Variants in DAB1 observed in about 807,000 individuals in gnomAD.
The protein encoded by DAB1 is DAB adaptor protein 1, also known as disabled homolog 1.
Under a neutral mutation model 64.6 loss-of-function variants are expected in DAB1, and 15 were observed. That is an observed-to-expected ratio of 0.23 (90% CI 0.16 to 0.36). The LOEUF (loss-of-function observed/expected upper bound fraction) is 0.36. DAB1 is among the 10% of genes least tolerant of loss of function. DAB1 has a pLI of 1.00. For synonymous variants in DAB1, 235 were observed against 251.9 expected (o/e 0.93, Z 0.64); for missense variants, 596 against 706.7 (o/e 0.84, Z 1.78).
intron 5 of DAB1, among the ~76,000 whole-genome samples, chr1:58,085,088 C>A (rs757194894): frequency 2.0e-5 from 3 of 152,082 alleles, no homozygotes; most frequent in African/African-American, 7.2e-5. Context: ...GTTATTTTAT[C>A]AGGAGGAAAA....
chr1:58,527,376 T>C (rs200972886), intron 1 of DAB1: 6 of 854,230 alleles, frequency 7.0e-6, no homozygotes, highest in Admixed American at 3.5e-5. Flanking sequence ...AGACAATTTA[T>C]TTCACGAAAA....
At chr1:57,173,863 C>T (rs1418883908) in intron 2 of DAB1, among the ~76,000 whole-genome samples, 2 of 151,734 alleles carry the variant, frequency 1.3e-5, no homozygotes, top group African/African-American at 4.8e-5. Context: ...TTGCAGGGGG[C>T]TATGGAGTTC....
At chr1:57,208,993 A>T (rs1665806795) in intron 2 of DAB1, among the ~76,000 whole-genome samples, 1 of 152,258 alleles carries the variant, frequency 6.6e-6, no homozygotes, top group Non-Finnish European at 1.5e-5. Context: ...CTGGAGACAC[A>T]CAAGGCATAC....
intron 9 of DAB1, among the ~76,000 whole-genome samples, chr1:57,040,634 G>C (rs1035905240): frequency 6.6e-6 from 1 of 152,088 alleles, no homozygotes; most frequent in African/African-American, 2.4e-5. Flanking sequence ...GATATGCACA[G>C]GTATAAATAT....
At position 57,878,602 on chromosome 1, in the gene DAB1, G is replaced by A. The variant is rs1009595760; in HGVS notation, n.87+5397C>T. On this transcript the variant is annotated intron_variant and non_coding_transcript_variant, in intron 1 of 1. Coordinates refer to the DAB1 transcript ENST00000477280. ...TTTATGGGGTACAGAGTGATATTTTGACACATGTATACAATGTGTAATGGT... is the reference window on the plus strand; with the variant it reads ...TTTATGGGGTACAGAGTGATATTTTAACACATGTATACAATGTGTAATGGT... 2.6e-5 allele frequency: 4 copies of A among 152,242 alleles called. No individual in the cohort carries two copies. The South Asian group carries it at 6.2e-4, about 24-fold the overall frequency. The allele number at this position is 152,242 out of a possible 1,614,324, so 9.4% of individuals were successfully genotyped here.
intron 7 of DAB1, among the ~76,000 whole-genome samples, chr1:57,562,953 G>GTA (rs934329254): frequency 2.4e-4 from 37 of 151,990 alleles, no homozygotes; most frequent in Non-Finnish European, 4.9e-4. Context: ...GTAAGGAAGA[G>GTA]TATATATATA....
At chr1:58,283,708 G>A (rs892749111) in intron 4 of DAB1, among the ~76,000 whole-genome samples, 2 of 152,208 alleles carry the variant, frequency 1.3e-5, no homozygotes, top group Admixed American at 1.3e-4. Context: ...GATAATTCCT[G>A]TAAAACTCTT....
At chr1:58,314,978 G>C (rs1331037341) in intron 4 of DAB1, among the ~76,000 whole-genome samples, 1 of 152,222 alleles carries the variant, frequency 6.6e-6, no homozygotes, top group Admixed American at 6.5e-5. Flanking sequence ...TGAACATCCA[G>C]TGAGACTCTA....
intron 5 of DAB1, among the ~76,000 whole-genome samples, chr1:58,143,022 C>G (rs898866385): frequency 6.6e-6 from 1 of 152,132 alleles, no homozygotes; most frequent in Non-Finnish European, 1.5e-5. Flanking sequence ...TGGAGTGCCA[C>G]TCTTCAACCA....
chr1:57,390,621 C>G (rs113787212), intron 1 of DAB1, among the ~76,000 whole-genome samples: 7 of 152,298 alleles, frequency 4.6e-5, no homozygotes, highest in Admixed American at 4.6e-4. Context: ...AAAGTTACTC[C>G]TTCTTTCAAA....
chr1:58,352,975 T>A (rs1644072737), intron 3 of DAB1, among the ~76,000 whole-genome samples: 2 of 152,120 alleles, frequency 1.3e-5, no homozygotes, highest in South Asian at 4.1e-4. Flanking sequence ...AGAAGTAAAC[T>A]TTTGTTGTTT....
chr1:58,123,036 T>C (rs558583352), intron 5 of DAB1, among the ~76,000 whole-genome samples: 4 of 152,198 alleles, frequency 2.6e-5, no homozygotes, highest in Admixed American at 6.5e-5. Flanking sequence ...ATAAATAAAA[T>C]AGGAATAGAA....
intron 4 of DAB1, among the ~76,000 whole-genome samples, chr1:57,106,473 C>A (rs573123510): frequency 6.6e-5 from 10 of 152,142 alleles, no homozygotes; most frequent in Non-Finnish European, 1.5e-4. Flanking sequence ...ACAAGCATAA[C>A]CCATCTTTGA....
chr1:57,674,129 G>A (rs1272253184), intron 6 of DAB1, among the ~76,000 whole-genome samples: 1 of 152,090 alleles, frequency 6.6e-6, no homozygotes, highest in African/African-American at 2.4e-5. Context: ...TGTGTGTTGG[G>A]GGTGGAAAAT....
chr1:57,080,343 C>T (rs1652382140), intron 4 of DAB1, among the ~76,000 whole-genome samples: 1 of 152,180 alleles, frequency 6.6e-6, no homozygotes, highest in Non-Finnish European at 1.5e-5. Context: ...TCTCTGAACT[C>T]CACTGACTCC....
upstream of DAB1, among the ~76,000 whole-genome samples, chr1:57,884,362 C>T (rs547324320): frequency 1.5e-4 from 23 of 152,200 alleles, no homozygotes; most frequent in African/African-American, 5.3e-4. Context: ...CAAAAGGGAA[C>T]TTGTGAGGGT....
intron 4 of DAB1, among the ~76,000 whole-genome samples, chr1:57,099,215 G>T (rs1654449771): frequency 6.6e-6 from 1 of 152,198 alleles, no homozygotes; most frequent in Non-Finnish European, 1.5e-5. Flanking sequence ...TGTGCTTATG[G>T]TGTTTATAAG....
intron 6 of DAB1, among the ~76,000 whole-genome samples, chr1:57,684,129 C>G (rs1646667636): frequency 6.6e-6 from 1 of 151,646 alleles, no homozygotes; most frequent in Non-Finnish European, 1.5e-5. Flanking sequence ...TGTAAAGAGA[C>G]CAAACTTATG....
chr1:58,080,511 C>A lies in DAB1; in HGVS notation n.387+70000G>T, dbSNP rs113651785. Among the ~76,000 whole-genome samples the A allele has an allele frequency of 1.1e-3, 167 of 152,340 alleles. 1 individual carries two copies. The highest frequency in any genetic ancestry group is 3.9e-3 in the African/African-American group (161 of 41,574). The stretch of plus-strand genomic sequence containing the variant: ...TAAAAGCAGCAAGTTTATCCTGTAA[C>A]CTTGCCAAGGCAATGTCTGCCATTC... On this transcript the variant is annotated intron_variant and non_coding_transcript_variant, in intron 5 of 20. Coordinates refer to the DAB1 transcript ENST00000485760.
Sources: allele counts gnomAD v4.1 joint callset (sites outside exome capture counted in the v4.1 genomes callset), GRCh38; gene constraint gnomAD v4.1.1; transcripts MANE v1.5; gene names NCBI Gene and HGNC (gene_info 2026-07-23, HGNC 2026-07-21).